Variants in PPP4R3C observed in about 807,000 individuals in gnomAD.
PPP4R3C encodes the protein protein PPP4R3C.
For missense variants in PPP4R3C, 372 were observed against 237.3 expected, an observed-to-expected ratio of 1.57 and a Z score of -3.73; for synonymous variants, 150 against 86.5, an observed-to-expected ratio of 1.73 and a Z score of -4.07.
Position 27,460,573 on chromosome X carries a change from T to C in PPP4R3C, c.*225A>G, listed in dbSNP as rs928549646. 38 of 283,266 alleles carry C rather than the reference T, an allele frequency of 1.3e-4. No homozygotes were observed. Among genetic ancestry groups the C allele is most frequent in the Non-Finnish European group, 2.2e-4 (36 of 164,346 alleles). The allele number at this position is 283,266 out of a possible 1,213,427, so 23.3% of individuals were successfully genotyped here. On this transcript the variant is annotated 3_prime_UTR_variant, in exon 1 of 1. Transcript: ENST00000412172. ...TTCCTCCCCCAAATCGTGACACAAA[T>C]TAAGACTTTCTTGCTAAAAAGTTTA...
Position 27,462,902 on chromosome X carries a change from A to C in PPP4R3C, c.395T>G (p.Val132Gly), listed in dbSNP as rs775300971. Reference protein sequence around the residue: ...NEMSVISNMVVLPDCELNTLD... With the variant: ...NEMSVISNMVGLPDCELNTLD... Reference sequence around the variant, plus strand: ...TGTATTGAGTTCACAGTCAGGCAGCACAACCATATTACTAATTACTGACAT... The same window carrying C: ...TGTATTGAGTTCACAGTCAGGCAGCCCAACCATATTACTAATTACTGACAT... The change falls in exon 1 of 1, where the codon GTG (valine) becomes GGG (glycine). Residue 132 changes from valine to glycine, a missense_variant. Coordinates refer to ENST00000412172, the MANE Select transcript of PPP4R3C (RefSeq NM_207319.4). 3.9e-6 allele frequency: 2 copies of C among 515,406 alleles called. No homozygotes were observed. Among genetic ancestry groups the C allele is most frequent in the South Asian group, 4.9e-5 (2 of 40,752 alleles). 42.5% of individuals were successfully genotyped at this position (515,406 alleles called of 1,213,427 possible).
Position 27,460,753 on chromosome X carries a change from T to C in PPP4R3C, c.*45A>G, listed in dbSNP as rs1267157185. 1.1e-5 allele frequency: 5 copies of C among 449,743 alleles called. No individual in the cohort carries two copies. The highest frequency in any genetic ancestry group is 1.5e-5 in the Non-Finnish European group (4 of 260,260). The allele number at this position is 449,743 out of a possible 1,213,427, so 37.1% of individuals were successfully genotyped here. On this transcript the variant is annotated 3_prime_UTR_variant, in exon 1 of 1. Coordinates refer to ENST00000412172, the MANE Select transcript of PPP4R3C (RefSeq NM_207319.4). ...AGTCTTTTTAGCTTATGGACGTTTA[T>C]AGAATTTTTGTTGAGCCACATTTTG...
Position 27,460,517 on chromosome X carries a change from C to G in PPP4R3C, c.*281G>C. 4.5e-6 allele frequency: 1 copy of G among 221,301 alleles called. No individual in the cohort carries two copies. Among genetic ancestry groups the G allele is most frequent in the Non-Finnish European group, 8.0e-6 (1 of 124,911 alleles). 18.2% of individuals were successfully genotyped at this position (221,301 alleles called of 1,213,427 possible). Reference sequence around the variant, plus strand: ...ATTATCGACCTGGTTCTTCCCCATTCCAAACTAAGACTTTCCTTCCCAAAG... The same window carrying G: ...ATTATCGACCTGGTTCTTCCCCATTGCAAACTAAGACTTTCCTTCCCAAAG... On this transcript the variant is annotated 3_prime_UTR_variant, in exon 1 of 1. Coordinates refer to ENST00000412172, the MANE Select transcript of PPP4R3C (RefSeq NM_207319.4).
In PPP4R3C at chrX:27,462,701, T is replaced by G. The variant is rs751621083; in HGVS notation, c.596A>C (p.Lys199Thr). 3 of 535,439 alleles carry G rather than the reference T, an allele frequency of 5.6e-6. No homozygotes were observed. Among genetic ancestry groups the G allele is most frequent in the Non-Finnish European group, 1.0e-5 (3 of 296,737 alleles). 44.1% of individuals were successfully genotyped at this position (535,439 alleles called of 1,213,427 possible). A position where few individuals can be genotyped will look rare whatever the true frequency, so the allele number is the denominator to read the frequency against. ...EGLHHLYEII[K>T]GILFLNEACL... ...TGCCTCGTTGAGGAACAAAATTCCC[T>G]TAATAATTTCATACAAATGGTGTAA... Residue 199 changes from lysine (K) to threonine (T), a missense_variant, in exon 1 of 1, where the codon AAG becomes ACG. Coordinates refer to ENST00000412172, the MANE Select transcript of PPP4R3C (RefSeq NM_207319.4).
chrX:27,461,034 G>A lies in PPP4R3C; in HGVS notation c.2263C>T (p.Gln755Ter), dbSNP rs1290916217. ...DDEFMETKRNQEHEGKVDSPK... is the reference protein window; with the variant it reads ...DDEFMETKRN The stretch of plus-strand genomic sequence containing the variant: ...GAGTCTACCTTGCCTTCATGTTCTT[G>A]GTTTCTTTTAGTCTCCATAAATTCA... Residue 755 changes from glutamine to a stop codon, truncating the protein, a stop_gained, in exon 1 of 1, where the codon CAA (glutamine) becomes TAA (stop). Coordinates refer to ENST00000412172, the MANE Select transcript of PPP4R3C (RefSeq NM_207319.4). LOFTEE classifies it low-confidence loss of function (END_TRUNC). The A allele has an allele frequency of 2.3e-5, 12 of 511,649 alleles. No homozygotes were observed. Among genetic ancestry groups the A allele is most frequent in the Non-Finnish European group, 3.5e-5 (10 of 286,389 alleles). 42.2% of individuals were successfully genotyped at this position (511,649 alleles called of 1,213,427 possible).
rs1490729957 is a variant in PPP4R3C at position 27,462,358 on chromosome X, C to A, written c.939G>T (p.Leu313Phe). ...VSMLQKDHKFLYEVFAQLKDE... is the reference protein window; with the variant it reads ...VSMLQKDHKFFYEVFAQLKDE... ...CCTTTAACTGTGCAAAAACTTCATACAAAAATTTGTGATCTTTCTGCAGCA... is the reference window on the plus strand; with the variant it reads ...CCTTTAACTGTGCAAAAACTTCATAAAAAAATTTGTGATCTTTCTGCAGCA... The change falls in exon 1 of 1, where the codon TTG (leucine) becomes TTT (phenylalanine). Residue 313 changes from leucine to phenylalanine, a missense_variant. Coordinates refer to ENST00000412172, the MANE Select transcript of PPP4R3C (RefSeq NM_207319.4). 1 of 515,032 alleles carries A rather than the reference C, an allele frequency of 1.9e-6. No individual in the cohort carries two copies. The highest frequency in any genetic ancestry group is 2.3e-5 in the African/African-American group (1 of 43,889). The allele number at this position is 515,032 out of a possible 1,213,427, so 42.4% of individuals were successfully genotyped here. A position where few individuals can be genotyped will look rare whatever the true frequency, so the allele number is the denominator to read the frequency against.
Position 27,460,216 on chromosome X carries a change from C to A in PPP4R3C, c.*582G>T, listed in dbSNP as rs951899565. On this transcript the variant is annotated 3_prime_UTR_variant, in exon 1 of 1. Coordinates refer to ENST00000412172, the MANE Select transcript of PPP4R3C (RefSeq NM_207319.4). ...AACAAATAACCACACATTGTAAATC[C>A]AGCTTGCTTTTTTAATGAATGAAAG... 8.9e-6 allele frequency: 1 copy of A among 111,923 alleles called. No homozygotes were observed. The highest frequency in any genetic ancestry group is 2.8e-4 in the East Asian group (1 of 3,537). The allele number at this position is 111,923 out of a possible 1,213,427, so 9.2% of individuals were successfully genotyped here.
rs1922965912 is a variant in PPP4R3C at position 27,461,538 on chromosome X, T to C, written c.1759A>G (p.Asn587Asp). Residue 587 changes from asparagine (N) to aspartate (D), a missense_variant, in exon 1 of 1, where the codon AAT (asparagine) becomes GAT (aspartate). By Grantham distance (23) the Asn-to-Asp change is conservative. Coordinates refer to ENST00000412172, the MANE Select transcript of PPP4R3C (RefSeq NM_207319.4). ...CGAGTTCCATTATCTAGAAGAGCAT[T>C]TACAACTGGCTCAAAAAGATTTCCC... ...IKGNLFEPVV[N>D]ALLDNGTRYN... The C allele has an allele frequency of 1.9e-6, 1 of 518,768 alleles. No homozygotes were observed. Among genetic ancestry groups the C allele is most frequent in the Non-Finnish European group, 3.5e-6 (1 of 287,019 alleles). 42.8% of individuals were successfully genotyped at this position (518,768 alleles called of 1,213,427 possible). A position where few individuals can be genotyped will look rare whatever the true frequency, so the allele number is the denominator to read the frequency against.
rs777808766 is a variant in PPP4R3C at position 27,463,225 on chromosome X, G to A, written c.72C>T (p.Thr24=). The stretch of plus-strand genomic sequence containing the variant: ...CGTCATAGGTGGATGAGACCTGACC[G>A]GTGCCTAGATTGTTCCATTCCTCGT... ...NEDEEWNNLG[T]GQVSSTYDEQ... is the part of the protein sequence containing the mutation. The change falls in exon 1 of 1, where the codon ACC becomes ACT. Residue 24 remains threonine, a synonymous_variant. Coordinates refer to ENST00000412172, the MANE Select transcript of PPP4R3C (RefSeq NM_207319.4). The A allele has an allele frequency of 6.9e-4, 356 of 512,815 alleles. 1 individual carries two copies. The highest frequency in any genetic ancestry group is 5.0e-3 in the African/African-American group (214 of 43,122). 42.3% of individuals were successfully genotyped at this position (512,815 alleles called of 1,213,427 possible).
chrX:27,462,334 C>A lies in PPP4R3C; in HGVS notation c.963G>T (p.Lys321Asn), dbSNP rs1225807028. Residue 321 changes from lysine to asparagine, a missense_variant, in exon 1 of 1, where the codon AAG (lysine) becomes AAT (asparagine). By Grantham distance (94) the Lys-to-Asn change is moderately conservative (BLOSUM62 0). Coordinates refer to ENST00000412172, the MANE Select transcript of PPP4R3C (RefSeq NM_207319.4). ...KFLYEVFAQL[K>N]DETTHDDRRC... Reference sequence around the variant, plus strand: ...GTCTATCATCATGTGTAGTCTCATCCTTTAACTGTGCAAAAACTTCATACA... The same window carrying A: ...GTCTATCATCATGTGTAGTCTCATCATTTAACTGTGCAAAAACTTCATACA... 3.9e-6 allele frequency: 2 copies of A among 514,685 alleles called. No homozygotes were observed. Among genetic ancestry groups the A allele is most frequent in the Non-Finnish European group, 7.0e-6 (2 of 286,849 alleles). The allele number at this position is 514,685 out of a possible 1,213,427, so 42.4% of individuals were successfully genotyped here.
rs913207652 is a variant in PPP4R3C, at chrX:27,463,170, G to A, written c.127C>T (p.Arg43Trp). 7.8e-6 allele frequency: 4 copies of A among 512,592 alleles called. No individual in the cohort carries two copies. Among genetic ancestry groups the A allele is most frequent in the African/African-American group, 2.3e-5 (1 of 43,018 alleles). 42.2% of individuals were successfully genotyped at this position (512,592 alleles called of 1,213,427 possible). ...EQFQGMSLLV[R>W]SDSDGSVILR... ...ATGACCGACCCATCTGAATCTGACC[G>A]AACAAGCAGCGACATGCCCTGGAAC... is the stretch of plus-strand genomic sequence containing the variant. The change falls in exon 1 of 1, where the codon CGG becomes TGG. Residue 43 changes from arginine to tryptophan, a missense_variant. By Grantham distance (101) the Arg-to-Trp change is moderately radical. Transcript: ENST00000412172.
At position 27,462,838 on chromosome X, in the gene PPP4R3C, C is replaced by T. The variant is rs764527504; in HGVS notation, c.459G>A (p.Ser153=). 28 of 513,609 alleles carry T rather than the reference C, an allele frequency of 5.5e-5. No homozygotes were observed. Among genetic ancestry groups the T allele is most frequent in the Admixed American group, 4.5e-4 (17 of 37,680 alleles). 42.3% of individuals were successfully genotyped at this position (513,609 alleles called of 1,213,427 possible). A position where few individuals can be genotyped will look rare whatever the true frequency, so the allele number is the denominator to read the frequency against. The change falls in exon 1 of 1, where the codon TCG becomes TCA. Residue 153 remains serine, a synonymous_variant. Transcript: ENST00000412172. The part of the protein sequence containing the change: ...QIADIVTSVF[S]SPVTDRERLA... ...GTCTTTCCCTATCCGTAACAGGTGA[C>T]GAGAAAACTGAGGTAACTATGTCAG...
rs770156132 is a variant in PPP4R3C, at chrX:27,462,583, A to G, written c.714T>C (p.His238=). Reference sequence around the variant, plus strand: ...TCGCATCGTTGGTCAAGAAGTCCCTATGCCTTTTTGGCTGATCCAAAGCAG... The same window carrying G: ...TCGCATCGTTGGTCAAGAAGTCCCTGTGCCTTTTTGGCTGATCCAAAGCAG... The part of the protein sequence containing the change: ...YDPALDQPKR[H]RDFLTNDAKF... Residue 238 remains histidine, a synonymous_variant, in exon 1 of 1, where the codon CAT becomes CAC. Coordinates refer to ENST00000412172, the MANE Select transcript of PPP4R3C (RefSeq NM_207319.4). 8.9e-6 allele frequency: 5 copies of G among 560,429 alleles called. No homozygotes were observed. Among genetic ancestry groups the G allele is most frequent in the Non-Finnish European group, 1.6e-5 (5 of 308,712 alleles). The allele number at this position is 560,429 out of a possible 1,213,427, so 46.2% of individuals were successfully genotyped here. A position where few individuals can be genotyped will look rare whatever the true frequency, so the allele number is the denominator to read the frequency against.
rs1202743452 is a variant in PPP4R3C, at chrX:27,460,318, G to A, written c.*480C>T. The A allele has an allele frequency of 1.8e-5, 2 of 112,405 alleles. No homozygotes were observed. Among genetic ancestry groups the A allele is most frequent in the African/African-American group, 6.5e-5 (2 of 30,874 alleles). The allele number at this position is 112,405 out of a possible 1,213,427, so 9.3% of individuals were successfully genotyped here. A position where few individuals can be genotyped will look rare whatever the true frequency, so the allele number is the denominator to read the frequency against. On this transcript the variant is annotated 3_prime_UTR_variant, in exon 1 of 1. Coordinates refer to ENST00000412172, the MANE Select transcript of PPP4R3C (RefSeq NM_207319.4). ...ATATCTTTATAGAAATGTCTGAAGAGACTAACATTTTTTATAGTTAACTTT... is the reference window on the plus strand; with the variant it reads ...ATATCTTTATAGAAATGTCTGAAGAAACTAACATTTTTTATAGTTAACTTT...
chrX:27,463,031 C>G lies in PPP4R3C; in HGVS notation c.266G>C (p.Gly89Ala). 1.9e-6 allele frequency: 1 copy of G among 514,924 alleles called. No homozygotes were observed. Among genetic ancestry groups the G allele is most frequent in the East Asian group, 3.6e-5 (1 of 27,717 alleles). The allele number at this position is 514,924 out of a possible 1,213,427, so 42.4% of individuals were successfully genotyped here. A position where few individuals can be genotyped will look rare whatever the true frequency, so the allele number is the denominator to read the frequency against. The change falls in exon 1 of 1, where the codon GGC becomes GCC. Residue 89 changes from glycine to alanine, a missense_variant. Gly to Ala is a moderately conservative substitution (Grantham distance 60). Transcript: ENST00000412172. Reference sequence around the variant, plus strand: ...AATTTCTTTCCAAATATCCTGGCAGCCGGCTGGGTCCTGGAATTTTAGCAC... The same window carrying G: ...AATTTCTTTCCAAATATCCTGGCAGGCGGCTGGGTCCTGGAATTTTAGCAC... ...GLVLKFQDPA[G>A]CQDIWKEICQ...
rs1922930827 is a variant in PPP4R3C at position 27,460,333 on chromosome X, T to C, written c.*465A>G. 8.9e-6 allele frequency: 1 copy of C among 112,914 alleles called. No individual in the cohort carries two copies. The highest frequency in any genetic ancestry group is 3.2e-5 in the African/African-American group (1 of 31,081). The allele number at this position is 112,914 out of a possible 1,213,427, so 9.3% of individuals were successfully genotyped here. ...TGTCTGAAGAGACTAACATTTTTTA[T>C]AGTTAACTTTGTTTTTCATATAAAC... On this transcript the variant is annotated 3_prime_UTR_variant, in exon 1 of 1. Coordinates refer to ENST00000412172, the MANE Select transcript of PPP4R3C (RefSeq NM_207319.4).
At position 27,463,258 on chromosome X, in the gene PPP4R3C, C is replaced by A; in HGVS notation, c.39G>T (p.Leu13=). The change falls in exon 1 of 1, where the codon CTG becomes CTT. Residue 13 remains leucine (L), a synonymous_variant. Coordinates refer to ENST00000412172, the MANE Select transcript of PPP4R3C (RefSeq NM_207319.4). ...GLRYSVKVYV[L]NEDEEWNNLG... ...GATTGTTCCATTCCTCGTCTTCGTT[C>A]AGGACATAGACTTTTACACTGTACC... is the stretch of plus-strand genomic sequence containing the variant. 1.9e-6 allele frequency: 1 copy of A among 514,767 alleles called. No individual in the cohort carries two copies. Among genetic ancestry groups the A allele is most frequent in the South Asian group, 2.5e-5 (1 of 40,642 alleles). The allele number at this position is 514,767 out of a possible 1,213,427, so 42.4% of individuals were successfully genotyped here.
At position 27,461,585 on chromosome X, in the gene PPP4R3C, G is replaced by A. The variant is rs1922966648; in HGVS notation, c.1712C>T (p.Ala571Val). Reference protein sequence around the residue: ...MRRMICLNDEAYNNYIIKGNL... With the variant: ...MRRMICLNDEVYNNYIIKGNL... ...TCCCTTGATGATGTAATTATTATAA[G>A]CTTCATCATTAAGGCAAATCATCCT... Residue 571 changes from alanine (A) to valine (V), a missense_variant, in exon 1 of 1, where the codon GCT becomes GTT. Physicochemically the swap from Ala to Val is moderately conservative, Grantham distance 64. Transcript: ENST00000412172. 1.9e-6 allele frequency: 1 copy of A among 515,470 alleles called. No individual in the cohort carries two copies. The highest frequency in any genetic ancestry group is 2.3e-5 in the African/African-American group (1 of 43,334). 42.5% of individuals were successfully genotyped at this position (515,470 alleles called of 1,213,427 possible).
rs1322284941 is a variant in PPP4R3C, at chrX:27,461,150, A to G, written c.2147T>C (p.Met716Thr). 2.0e-6 allele frequency: 1 copy of G among 511,448 alleles called. No homozygotes were observed. Among genetic ancestry groups the G allele is most frequent in the East Asian group, 3.6e-5 (1 of 27,568 alleles). The allele number at this position is 511,448 out of a possible 1,213,427, so 42.1% of individuals were successfully genotyped here. Residue 716 changes from methionine (M) to threonine (T), a missense_variant, in exon 1 of 1, where the codon ATG (methionine) becomes ACG (threonine). Physicochemically the swap from Met to Thr is moderately conservative, Grantham distance 81 (BLOSUM62 -1). Transcript: ENST00000412172. ...TTTATCGTCATCTTCCAGTGGTGGCATAACTGCTTCTCCTTCTTGGGTTCT... is the reference window on the plus strand; with the variant it reads ...TTTATCGTCATCTTCCAGTGGTGGCGTAACTGCTTCTCCTTCTTGGGTTCT... ...TKRTQEGEAV[M>T]PPLEDDDKFT...
Sources: allele counts gnomAD v4.1 joint callset, GRCh38; gene constraint gnomAD v4.1.1; transcripts MANE v1.5; gene names NCBI Gene and HGNC (gene_info 2026-07-23, HGNC 2026-07-21).